The following RIPOR2 variants were observed in gnomAD, a reference collection of about 807,000 sequenced individuals.
The protein encoded by RIPOR2 is rho family-interacting cell polarization regulator 2.
RIPOR2 carries 39 observed loss-of-function variants against 114.5 expected under a neutral mutation model. That is an observed-to-expected ratio of 0.34 (90% CI 0.26 to 0.44). The LOEUF is 0.44. Among genes scored for constraint, RIPOR2 ranks in the 20% least tolerant of loss-of-function variants. The pLI is 1.00. For missense variants in RIPOR2, 1,007 were observed against 1,255.1 expected (o/e 0.80, Z 2.99); for synonymous variants, 445 against 484.4 (o/e 0.92, Z 1.07).
intron 1 of RIPOR2, among the ~76,000 whole-genome samples, chr6:24,999,906 C>T (rs1775225198): frequency 6.6e-6 from 1 of 152,162 alleles, no homozygotes; most frequent in African/African-American, 2.4e-5. Flanking sequence ...GCCTGGACAC[C>T]AGCTGGAGTC....
chr6:24,833,182 C>T (rs1223976177), intron 15 of RIPOR2, among the ~76,000 whole-genome samples: 1 of 152,176 alleles, frequency 6.6e-6, no homozygotes, highest in Non-Finnish European at 1.5e-5. Flanking sequence ...AGATGCAGAA[C>T]ACAGACCTGT....
chr6:25,001,179 T>C (rs1479460317), intron 1 of RIPOR2, among the ~76,000 whole-genome samples: 1 of 152,254 alleles, frequency 6.6e-6, no homozygotes, highest in Non-Finnish European at 1.5e-5. Context: ...TATGTGTATG[T>C]ATACCATACA....
chr6:24,896,934 G>A (rs1408204474), intron 1 of RIPOR2, among the ~76,000 whole-genome samples: 1 of 152,084 alleles, frequency 6.6e-6, no homozygotes, highest in Admixed American at 6.5e-5. Flanking sequence ...AATAAAGTTG[G>A]TATTAAATGT....
intron 1 of RIPOR2, among the ~76,000 whole-genome samples, chr6:24,963,542 T>C (rs1466891227): frequency 6.6e-6 from 1 of 152,234 alleles, no homozygotes; most frequent in Non-Finnish European, 1.5e-5. Flanking sequence ...GACACATATA[T>C]GTACATAAGT....
At chr6:24,974,255 G>A (rs1179009514) in intron 1 of RIPOR2, among the ~76,000 whole-genome samples, 1 of 152,048 alleles carries the variant, frequency 6.6e-6, no homozygotes, top group Non-Finnish European at 1.5e-5. Context: ...ATGCGGTGGT[G>A]AGCACCTGTG....
intron 1 of RIPOR2, among the ~76,000 whole-genome samples, chr6:24,902,068 G>A (rs74612568): frequency 0.029 from 4,461 of 152,180 alleles, 206 homozygotes; most frequent in African/African-American, 0.098. Context: ...AAAGAAGGAG[G>A]CCTGTGCAGA....
rs148823241 is a variant in RIPOR2, at chr6:25,041,884, A to G, written c.43T>C (p.Trp15Arg). ...TGGCGCCTCCGGATCCTGTCCCTCC[A>G]TGGCCTGTTTCTGATCCAGTGTAAT... The change falls in exon 1 of 14, where the codon TGG becomes CGG. Residue 15 changes from tryptophan to arginine, a missense_variant. Physicochemically the swap from Trp to Arg is moderately radical, Grantham distance 101. Coordinates refer to the RIPOR2 transcript ENST00000510784. 0.011 allele frequency: 7,570 copies of G among 702,948 alleles called. 62 individuals are homozygous for G. The highest frequency in any genetic ancestry group is 0.014 in the Non-Finnish European group (5,472 of 384,978). The allele number at this position is 702,948 out of a possible 1,614,324, so 43.5% of individuals were successfully genotyped here. A position where few individuals can be genotyped will look rare whatever the true frequency, so the allele number is the denominator to read the frequency against.
At chr6:24,889,885 TTA>T (rs1246408903) in intron 1 of RIPOR2, among the ~76,000 whole-genome samples, 1 of 150,954 alleles carries the variant, frequency 6.6e-6, no homozygotes, top group Non-Finnish European at 1.5e-5. Context: ...GTTCATTTTT[TTA>T]TTTTATTTTA....
intron 8 of RIPOR2, 76 bp downstream of exon 8, chr6:24,860,897 T>C (rs1435422757): frequency 1.1e-6 from 1 of 899,940 alleles, no homozygotes; most frequent in African/African-American, 1.7e-5. Flanking sequence ...AAAAATAGCA[T>C]GGGCTCTCAA....
intron 15 of RIPOR2, among the ~76,000 whole-genome samples, chr6:24,834,902 G>A (rs1760993542): frequency 6.6e-6 from 1 of 152,146 alleles, no homozygotes; most frequent in African/African-American, 2.4e-5. Context: ...GGGACTATGG[G>A]CCTGAGTCAC....
chr6:24,810,277 T>C (rs934182278), intron 20 of RIPOR2, among the ~76,000 whole-genome samples: 4 of 152,212 alleles, frequency 2.6e-5, no homozygotes, highest in Admixed American at 2.6e-4. Context: ...TCAGGAATTC[T>C]GATGATCAGC....
chr6:25,041,356 C>T (rs530975194), intron 1 of RIPOR2, among the ~76,000 whole-genome samples: 46 of 152,344 alleles, frequency 3.0e-4, no homozygotes, highest in African/African-American at 9.6e-4. Flanking sequence ...CCTGTCTACT[C>T]AGTTGTGAGT....
At chr6:24,843,584 T>G in intron 12 of RIPOR2, 30 bp from the exon 13 acceptor site, 1 of 1,405,346 alleles carries the variant, frequency 7.1e-7, no homozygotes, top group Non-Finnish European at 9.5e-7. Flanking sequence ...CATTATTATT[T>G]TCAATACAAA....
At chr6:24,910,290 G>T (rs992834394) in intron 1 of RIPOR2, among the ~76,000 whole-genome samples, 1 of 152,134 alleles carries the variant, frequency 6.6e-6, no homozygotes, top group East Asian at 1.9e-4. Flanking sequence ...ATTCAGACAC[G>T]GTGAGGAACG....
intron 1 of RIPOR2, chr6:25,024,156 TC>T: frequency 8.6e-7 from 1 of 1,163,632 alleles, no homozygotes; most frequent in Non-Finnish European, 1.3e-6. Flanking sequence ...GGACACCCCC[TC>T]CTGCTGGGCG....
intron 1 of RIPOR2, among the ~76,000 whole-genome samples, chr6:24,953,155 G>T (rs567052144): frequency 6.6e-6 from 1 of 152,258 alleles, no homozygotes; most frequent in African/African-American, 2.4e-5. Flanking sequence ...CCAACATGGA[G>T]AAACCCCGTC....
At chr6:24,887,732 C>A (rs1446854863) in intron 1 of RIPOR2, among the ~76,000 whole-genome samples, 1 of 152,166 alleles carries the variant, frequency 6.6e-6, no homozygotes, top group Non-Finnish European at 1.5e-5. Context: ...AATAGCATTT[C>A]TATTCATTGG....
At chr6:25,016,762 T>G (rs1317801670) in intron 1 of RIPOR2, among the ~76,000 whole-genome samples, 1 of 152,252 alleles carries the variant, frequency 6.6e-6, no homozygotes, top group Non-Finnish European at 1.5e-5. Context: ...TTTCAAACTC[T>G]TGTTACTTCT....
chr6:24,991,403 G>A (rs779782683), intron 1 of RIPOR2, among the ~76,000 whole-genome samples: 1 of 151,974 alleles, frequency 6.6e-6, no homozygotes, highest in Non-Finnish European at 1.5e-5. Context: ...TCTGTTGTGC[G>A]ACTTCTTGGG....
Sources: gnomAD v4.1 joint callset for allele counts (sites outside exome capture counted in the v4.1 genomes callset) on GRCh38, gnomAD v4.1.1 for gene constraint, MANE v1.5 for transcripts, NCBI Gene and HGNC (gene_info 2026-07-23, HGNC 2026-07-21) for gene names.